Variants in SUPT3H observed in about 807,000 individuals in gnomAD.
SUPT3H encodes the protein SPT3 homolog, SAGA and STAGA complex component.
In SUPT3H, 44 loss-of-function variants were observed where a neutral mutation model predicts 44.3. That is an observed-to-expected ratio of 0.99 (90% CI 0.78 to 1.28). The LOEUF (loss-of-function observed/expected upper bound fraction) is 1.28. Ranked by LOEUF, SUPT3H falls within the 50% of genes most tolerant of loss-of-function variation. SUPT3H has a pLI of 0.00. For missense variants in SUPT3H, 380 were observed against 387.1 expected (o/e 0.98, Z 0.15); for synonymous variants, 124 against 125.6 (o/e 0.99, Z 0.09).
Position 44,920,111 on chromosome 6 carries a change from C to A in SUPT3H, c.912+12542G>T, listed in dbSNP as rs545406169. On this transcript the variant is annotated intron_variant, in intron 10 of 10. Transcript: ENST00000371459. ...GCCAGGATGGTCTCCATCTCCTGACCTCGTTATCCACCCACCTCGGCCTCC... is the reference window on the plus strand; with the variant it reads ...GCCAGGATGGTCTCCATCTCCTGACATCGTTATCCACCCACCTCGGCCTCC... 2.0e-5 allele frequency among the ~76,000 whole-genome samples: 3 copies of A among 152,254 alleles called. No homozygotes were observed. In the East Asian group the frequency reaches 5.8e-4, roughly 30 times the overall value.
At chr6:44,966,581 C>T (rs1776811006) in intron 6 of SUPT3H, among the ~76,000 whole-genome samples, 1 of 151,906 alleles carries the variant, frequency 6.6e-6, no homozygotes, top group South Asian at 2.1e-4. Context: ...AGAAGTAAAA[C>T]TTGGGTCCTA....
At chr6:45,089,459 T>C (rs920105295) in intron 3 of SUPT3H, among the ~76,000 whole-genome samples, 3 of 152,014 alleles carry the variant, frequency 2.0e-5, no homozygotes, top group African/African-American at 7.2e-5. Context: ...ATTCGCCTTA[T>C]TCTAAAACCC....
chr6:45,127,139 C>T (rs1056273457), intron 2 of SUPT3H, among the ~76,000 whole-genome samples: 1 of 152,056 alleles, frequency 6.6e-6, no homozygotes, highest in Non-Finnish European at 1.5e-5. Context: ...CATGGTGAAA[C>T]CCCGTCTCCA....
At chr6:44,819,567 G>A (rs1767138700) in intron 11 of SUPT3H, among the ~76,000 whole-genome samples, 1 of 151,612 alleles carries the variant, frequency 6.6e-6, no homozygotes, top group African/African-American at 2.4e-5. Context: ...TGAGGCAGGA[G>A]GACAGTTTGA....
rs1414058652 is a variant in SUPT3H at position 45,288,593 on chromosome 6, ATATGTG to A, written c.101+76602_101+76607del. Among the ~76,000 whole-genome samples the A allele has an allele frequency of 4.7e-4, 18 of 38,292 alleles. No individual in the cohort carries two copies. The East Asian group carries it at 9.4e-3, about 20-fold the overall frequency. The allele number at this position is 38,292 out of a possible 152,430, so 25.1% of individuals were successfully genotyped here. On this transcript the variant is annotated intron_variant, in intron 2 of 10. Transcript: ENST00000371459. ...TATATATATATATATGTATATATATATATGTGTATATATATATATGTATATATATAT... is the reference window on the plus strand; with the variant it reads ...TATATATATATATATGTATATATATATATATATATATATGTATATATATAT...
chr6:44,888,796 T>A (rs1444873115), intron 10 of SUPT3H, among the ~76,000 whole-genome samples: 3 of 151,886 alleles, frequency 2.0e-5, no homozygotes, highest in Non-Finnish European at 4.4e-5. Flanking sequence ...AAATAAAGGG[T>A]ATTCAATTAG....
intron 2 of SUPT3H, among the ~76,000 whole-genome samples, chr6:45,145,774 G>C (rs1403541138): frequency 2.6e-5 from 4 of 151,884 alleles, no homozygotes; most frequent in African/African-American, 9.7e-5. Context: ...ATCCAACAAA[G>C]GACTAATATC....
chr6:44,946,468 A>T (rs1403862473), intron 9 of SUPT3H, among the ~76,000 whole-genome samples: 1 of 152,228 alleles, frequency 6.6e-6, no homozygotes, highest in Non-Finnish European at 1.5e-5. Flanking sequence ...ATTCACGTGA[A>T]GAGGTCAAAA....
intron 10 of SUPT3H, among the ~76,000 whole-genome samples, chr6:44,895,398 A>G (rs1763982661): frequency 6.6e-6 from 1 of 151,788 alleles, no homozygotes; most frequent in South Asian, 2.1e-4. Flanking sequence ...TCAACCATTT[A>G]GTCTTTTCAA....
chr6:44,899,279 T>C (rs749268355), intron 10 of SUPT3H: 3 of 152,180 alleles, frequency 2.0e-5, no homozygotes, highest in Non-Finnish European at 2.9e-5. Flanking sequence ...AACTATATAG[T>C]AAGTAAGAGT....
intron 9 of SUPT3H, 39 bp from the exon 10 acceptor site, chr6:44,932,802 A>AAC: frequency 7.3e-7 from 1 of 1,375,030 alleles, no homozygotes; most frequent in Non-Finnish European, 1.0e-6. Context: ...CTAAATCAAA[A>AAC]ACACGCAACA....
intron 6 of SUPT3H, among the ~76,000 whole-genome samples, chr6:44,980,636 G>GT (rs1298989721): frequency 6.6e-6 from 1 of 152,176 alleles, no homozygotes; most frequent in Non-Finnish European, 1.5e-5. Context: ...GCAAGTAGTT[G>GT]TGTCTACATG....
chr6:45,152,342 G>A (rs1807084974), intron 2 of SUPT3H, among the ~76,000 whole-genome samples: 1 of 152,074 alleles, frequency 6.6e-6, no homozygotes, highest in South Asian at 2.1e-4. Flanking sequence ...TTTCCACAAT[G>A]CAATCAATTT....
intron 3 of SUPT3H, among the ~76,000 whole-genome samples, chr6:45,035,875 T>A (rs750619921): frequency 6.7e-6 from 1 of 149,472 alleles, no homozygotes; most frequent in Admixed American, 6.7e-5. Context: ...AGTTCCAATA[T>A]CCCAAAATGG....
chr6:45,061,364 C>A (rs1321857106), intron 3 of SUPT3H, among the ~76,000 whole-genome samples: 2 of 152,116 alleles, frequency 1.3e-5, no homozygotes, highest in Non-Finnish European at 2.9e-5. Flanking sequence ...CCAAAAACTG[C>A]ATGTTCTCAT....
Position 44,932,757 on chromosome 6 carries a change from C to CA in SUPT3H, c.807dup (p.Ala270CysfsTer6). 3 of 1,600,314 alleles carry CA rather than the reference C, an allele frequency of 1.9e-6. No individual in the cohort carries two copies. Among genetic ancestry groups the CA allele is most frequent in the Non-Finnish European group, 2.6e-6 (3 of 1,174,664 alleles). On this transcript the variant is annotated frameshift_variant, in exon 10 of 11. Transcript: ENST00000371459. LOFTEE classifies it high-confidence loss of function. Reference sequence around the variant, plus strand: ...CTGTGAGCCTCAACACCACAGGCTGCAGTGCTCTGCGACAGAAAAACACAT... The same window carrying CA: ...CTGTGAGCCTCAACACCACAGGCTGCAAGTGCTCTGCGACAGAAAAACACAT...
intron 2 of SUPT3H, among the ~76,000 whole-genome samples, chr6:45,186,696 C>A (rs9395079): frequency 6.6e-6 from 1 of 151,880 alleles, no homozygotes. Context: ...AGGTACACCA[C>A]TCTTACCTTC....
intron 10 of SUPT3H, among the ~76,000 whole-genome samples, chr6:44,917,687 T>G (rs1768027686): frequency 6.6e-6 from 1 of 152,194 alleles, no homozygotes; most frequent in South Asian, 2.1e-4. Context: ...CCAGGCTAGG[T>G]GGGACCACAG....
At chr6:45,088,739 A>G (rs1796781534) in intron 3 of SUPT3H, among the ~76,000 whole-genome samples, 2 of 152,048 alleles carry the variant, frequency 1.3e-5, no homozygotes, top group Admixed American at 1.3e-4. Flanking sequence ...ATACCAAGTT[A>G]GTACATATAA....
Sources: allele counts gnomAD v4.1 joint callset (sites outside exome capture counted in the v4.1 genomes callset), GRCh38; gene constraint gnomAD v4.1.1; transcripts MANE v1.5; gene names NCBI Gene and HGNC (gene_info 2026-07-23, HGNC 2026-07-21).